The following CNBD1 variants were observed in gnomAD, a reference collection of about 807,000 sequenced individuals.
CNBD1 encodes cyclic nucleotide binding domain containing 1.
Under a neutral mutation model 54.4 loss-of-function variants are expected in CNBD1, and 71 were observed. The observed-to-expected ratio is 1.30, with a 90% CI of 1.08 to 1.59. The LOEUF (loss-of-function observed/expected upper bound fraction) is 1.59. Ranked by LOEUF, CNBD1 falls within the 40% of genes most tolerant of loss-of-function variation. CNBD1 has a pLI of 0.00. For missense variants in CNBD1, 659 were observed against 518.0 expected (o/e 1.27, Z -2.64); for synonymous variants, 182 against 170.7 (o/e 1.07, Z -0.51).
chr8:86,935,453 A>G (rs1809531421), intron 3 of CNBD1, among the ~76,000 whole-genome samples: 1 of 152,196 alleles, frequency 6.6e-6, no homozygotes, highest in Non-Finnish European at 1.5e-5. Flanking sequence ...TTAAAATGTT[A>G]TATTTCTACT....
At chr8:87,363,095 C>A (rs992850577) in intron 10 of CNBD1, among the ~76,000 whole-genome samples, 3 of 151,960 alleles carry the variant, frequency 2.0e-5, no homozygotes, top group Non-Finnish European at 4.4e-5. Flanking sequence ...TGAGTGGGAA[C>A]ATGAAGTGTT....
chr8:87,315,549 A>T (rs908391339), intron 8 of CNBD1, among the ~76,000 whole-genome samples: 1 of 151,932 alleles, frequency 6.6e-6, no homozygotes, highest in Non-Finnish European at 1.5e-5. Flanking sequence ...GGAAGGTGCC[A>T]GGCTCATGTG....
downstream of CNBD1, among the ~76,000 whole-genome samples, chr8:87,386,108 T>A (rs1164962651): frequency 2.0e-5 from 3 of 151,962 alleles, no homozygotes; most frequent in Admixed American, 6.6e-5. Context: ...CAAAACCCCA[T>A]CTGTGCATCA....
At chr8:86,921,624 G>C (rs1043000605) in intron 3 of CNBD1, among the ~76,000 whole-genome samples, 18 of 152,082 alleles carry the variant, frequency 1.2e-4, no homozygotes, top group African/African-American at 4.3e-4. Flanking sequence ...AGTAAAAGGG[G>C]AAATGCTTTA....
intron 2 of CNBD1, among the ~76,000 whole-genome samples, chr8:87,411,290 A>G (rs1807737276): frequency 6.6e-6 from 1 of 150,996 alleles, no homozygotes; most frequent in African/African-American, 2.4e-5. Context: ...AAACAACAGG[A>G]TTTCTTACAA....
intron 4 of CNBD1, among the ~76,000 whole-genome samples, chr8:87,097,159 GTCTTGTATATCTAAACCACT>G: frequency 6.6e-6 from 1 of 152,252 alleles, no homozygotes; most frequent in Middle Eastern, 3.4e-3. Context: ...TGTGCAATGA[GTCTTGTATATCTAAACCACT>G]TTGGTTTCCT....
intron 2 of CNBD1, among the ~76,000 whole-genome samples, chr8:87,411,097 G>T (rs964933920): frequency 6.6e-6 from 1 of 151,794 alleles, no homozygotes; most frequent in Non-Finnish European, 1.5e-5. Context: ...TGGGGGTCTG[G>T]AACAAAACCA....
chr8:87,345,459 T>A (rs1810152978), intron 8 of CNBD1, among the ~76,000 whole-genome samples: 1 of 152,214 alleles, frequency 6.6e-6, no homozygotes, highest in Admixed American at 6.5e-5. Flanking sequence ...TATCAGTCAC[T>A]TGACTTCGTT....
intron 4 of CNBD1, among the ~76,000 whole-genome samples, chr8:87,152,146 TA>T (rs926253917): frequency 1.3e-5 from 2 of 151,912 alleles, no homozygotes; most frequent in African/African-American, 4.8e-5. Context: ...TGAAAAAAAT[TA>T]AAAAAACCTG....
intron 3 of CNBD1, among the ~76,000 whole-genome samples, chr8:86,918,291 G>A (rs557422911): frequency 3.7e-4 from 57 of 152,250 alleles, no homozygotes; most frequent in African/African-American, 1.2e-3. Flanking sequence ...TTTAGTGAAT[G>A]GAAGTGTTTG....
intron 5 of CNBD1, among the ~76,000 whole-genome samples, chr8:87,217,473 T>C (rs1349369327): frequency 6.6e-6 from 1 of 151,974 alleles, no homozygotes; most frequent in Non-Finnish European, 1.5e-5. Flanking sequence ...TGTGAGTCAT[T>C]ATGTACTTCA....
chr8:87,051,322 C>A (rs1810307013), intron 4 of CNBD1, among the ~76,000 whole-genome samples: 1 of 152,140 alleles, frequency 6.6e-6, no homozygotes, highest in Admixed American at 6.6e-5. Context: ...CCTCCAGAAT[C>A]ACCCAGGGCT....
At chr8:87,017,611 A>C (rs1184800836) in intron 4 of CNBD1, among the ~76,000 whole-genome samples, 1 of 152,214 alleles carries the variant, frequency 6.6e-6, no homozygotes, top group African/African-American at 2.4e-5. Flanking sequence ...ACTAATTGTA[A>C]GGAGTTGCTA....
chr8:87,027,041 A>G (rs980292349), intron 4 of CNBD1, among the ~76,000 whole-genome samples: 1 of 152,204 alleles, frequency 6.6e-6, no homozygotes, highest in Non-Finnish European at 1.5e-5. Flanking sequence ...TCCTTAAGTC[A>G]TGTGAACTTG....
intron 4 of CNBD1, among the ~76,000 whole-genome samples, chr8:87,141,184 T>G (rs556595317): frequency 6.6e-6 from 1 of 152,274 alleles, no homozygotes; most frequent in Non-Finnish European, 1.5e-5. Context: ...TAATTTTCAT[T>G]TAGCTATATA....
At chr8:87,226,300 TC>T (rs1814489457) in intron 5 of CNBD1, among the ~76,000 whole-genome samples, 1 of 150,742 alleles carries the variant, frequency 6.6e-6, no homozygotes. Context: ...ATGTGTTTGC[TC>T]GTGCTTTTCT....
chr8:87,029,403 A>G (rs1358132525), intron 4 of CNBD1, among the ~76,000 whole-genome samples: 3 of 152,338 alleles, frequency 2.0e-5, no homozygotes, highest in Non-Finnish European at 1.5e-5. Context: ...TACTGAATAT[A>G]GAGTCAACCA....
intron 4 of CNBD1, among the ~76,000 whole-genome samples, chr8:86,942,238 A>G (rs746918140): frequency 6.6e-6 from 1 of 152,212 alleles, no homozygotes; most frequent in Admixed American, 6.5e-5. Flanking sequence ...TCTATAGCAC[A>G]TGCCTTTTCT....
chr8:86,913,626 G>A lies in CNBD1; in HGVS notation c.272+8432G>A, dbSNP rs542909044. The stretch of plus-strand genomic sequence containing the variant: ...AAAGGGGAGGGAATGCACAAATAGG[G>A]TGTTGTTCACAGAGATCACATGCTT... On this transcript the variant is annotated intron_variant, in intron 3 of 10. Coordinates refer to ENST00000518476, the MANE Select transcript of CNBD1 (RefSeq NM_173538.3). Among the ~76,000 whole-genome samples, 426 of 152,244 alleles carry A rather than the reference G, an allele frequency of 2.8e-3. 8 individuals are homozygous for A. The highest frequency in any genetic ancestry group is 9.8e-3 in the African/African-American group (407 of 41,544).
Sources: allele counts gnomAD v4.1 joint callset (sites outside exome capture counted in the v4.1 genomes callset), GRCh38; gene constraint gnomAD v4.1.1; transcripts MANE v1.5; gene names NCBI Gene and HGNC (gene_info 2026-07-23, HGNC 2026-07-21).